ITCH: variants seen among roughly 807,000 people sequenced by gnomAD.
The protein encoded by ITCH is itchy E3 ubiquitin protein ligase, also known as E3 ubiquitin-protein ligase Itchy homolog.
In ITCH, 28 loss-of-function variants were observed where a neutral mutation model predicts 126.8. The ratio of observed to expected loss-of-function variants is 0.22; its 90% CI spans 0.16 to 0.30. The LOEUF (loss-of-function observed/expected upper bound fraction) is 0.30. ITCH is among the 10% of genes least tolerant of loss of function. The pLI, the probability that ITCH is intolerant of heterozygous loss-of-function variation, is 1.00. For synonymous variants in ITCH, 342 were observed against 340.0 expected, an observed-to-expected ratio of 1.01 and a Z score of -0.06; for missense variants, 631 against 1,032.4, an observed-to-expected ratio of 0.61 and a Z score of 5.33.
chr20:34,434,945 A>G (rs1211561342), intron 7 of ITCH, among the ~76,000 whole-genome samples: 4 of 152,154 alleles, frequency 2.6e-5, no homozygotes, highest in Non-Finnish European at 5.9e-5. Context: ...ACTGAAGCAC[A>G]ATTTTAATTT....
chr20:34,408,911 T>A, intron 4 of ITCH, 119 bp downstream of exon 4: 4 of 336,702 alleles, frequency 1.2e-5, no homozygotes, highest in Non-Finnish European at 1.9e-5. Flanking sequence ...TTCTCTCTTC[T>A]TTTTTTTTTT....
At chr20:34,440,722 G>A (rs1156395329) in intron 9 of ITCH, among the ~76,000 whole-genome samples, 2 of 151,924 alleles carry the variant, frequency 1.3e-5, no homozygotes. Flanking sequence ...GAAAGTGCTG[G>A]GATTACAGGC....
At chr20:34,406,933 CAGTAGA>C (rs2039080065) in intron 3 of ITCH, among the ~76,000 whole-genome samples, 1 of 152,144 alleles carries the variant, frequency 6.6e-6, no homozygotes, top group Non-Finnish European at 1.5e-5. Context: ...TTTGCTGCTA[CAGTAGA>C]TAACCTGGGT....
chr20:34,441,836 T>TGTGAAATTTATC (rs1470960799), intron 9 of ITCH: 3 of 265,554 alleles, frequency 1.1e-5, no homozygotes, highest in African/African-American at 6.7e-5. Context: ...TCCACCCGTC[T>TGTGAAATTTATC]CAGCCTCCCA....
chr20:34,406,524 AGCT>A (rs1460483456), intron 3 of ITCH, among the ~76,000 whole-genome samples: 2 of 150,002 alleles, frequency 1.3e-5, no homozygotes, highest in African/African-American at 4.9e-5. Context: ...CTATATATTA[AGCT>A]GCTGCTTCTT....
intron 2 of ITCH, among the ~76,000 whole-genome samples, chr20:34,371,476 G>A (rs567278355): frequency 6.6e-6 from 1 of 151,556 alleles, no homozygotes; most frequent in African/African-American, 2.4e-5. Context: ...TAGAGACGGG[G>A]TTTCACCACA....
intron 3 of ITCH, among the ~76,000 whole-genome samples, chr20:34,400,058 C>T (rs750689614): frequency 7.2e-5 from 11 of 151,968 alleles, no homozygotes; most frequent in Non-Finnish European, 1.2e-4. Flanking sequence ...TCTGCGTCAG[C>T]CTCCTGAGTA....
intron 10 of ITCH, among the ~76,000 whole-genome samples, chr20:34,443,336 C>T (rs190914680): frequency 6.6e-6 from 1 of 151,752 alleles, no homozygotes; most frequent in East Asian, 1.9e-4. Flanking sequence ...ATGTTGAAAC[C>T]CCGTCTCTAC....
intron 2 of ITCH, among the ~76,000 whole-genome samples, chr20:34,379,081 G>GT (rs978916879): frequency 6.6e-6 from 1 of 152,130 alleles, no homozygotes; most frequent in Non-Finnish European, 1.5e-5. Flanking sequence ...TGCTGCTGCT[G>GT]TTTTTCGTTA....
intron 3 of ITCH, chr20:34,402,481 A>G (rs1018179256): frequency 1.4e-5 from 11 of 765,070 alleles, no homozygotes; most frequent in East Asian, 1.2e-4. Context: ...AAAATAGACT[A>G]GAAATACATC....
chr20:34,470,083 TC>T lies in ITCH; in HGVS notation c.1461del (p.Phe487LeufsTer21). The stretch of plus-strand genomic sequence containing the variant: ...CCTCAGATAGCCTATGTTCGGGACT[TC>T]AAAGCAAAGGTTCAGTATTTCCGGT... ...NGPQIAYVRDFKAKVQYFRFW... is the reference protein window; with the variant it reads ...NGPQIAYVRDXKAKVQYFRFW... On this transcript the variant is annotated frameshift_variant, in exon 15 of 25. Coordinates refer to ENST00000374864, the MANE Select transcript of ITCH (RefSeq NM_031483.7). LOFTEE classifies it high-confidence loss of function. 6.2e-7 allele frequency: 1 copy of T among 1,614,052 alleles called. No individual in the cohort carries two copies. Among genetic ancestry groups the T allele is most frequent in the Non-Finnish European group, 8.5e-7 (1 of 1,179,946 alleles).
chr20:34,394,230 A>AG (rs2038592428), intron 3 of ITCH, among the ~76,000 whole-genome samples: 1 of 151,652 alleles, frequency 6.6e-6, no homozygotes, highest in African/African-American at 2.4e-5. Context: ...AAAAAAAAAA[A>AG]AACTTAAGAG....
At chr20:34,462,504 G>T (rs1345836378) in intron 14 of ITCH, among the ~76,000 whole-genome samples, 1 of 152,042 alleles carries the variant, frequency 6.6e-6, no homozygotes, top group Non-Finnish European at 1.5e-5. Flanking sequence ...CTGATTTTCA[G>T]CTTCTTTCAT....
chr20:34,467,572 C>T (rs1987188114), intron 14 of ITCH, among the ~76,000 whole-genome samples: 1 of 151,054 alleles, frequency 6.6e-6, no homozygotes, highest in South Asian at 2.1e-4. Context: ...AAATTCTGGC[C>T]TAGATGGTGT....
At chr20:34,482,202 A>C (rs1222195226) in intron 20 of ITCH, among the ~76,000 whole-genome samples, 10 of 152,160 alleles carry the variant, frequency 6.6e-5, no homozygotes, top group Admixed American at 6.5e-5. Context: ...GCCAAACCAT[A>C]TCATTCTGCC....
At chr20:34,449,023 C>T (rs1352293406) in intron 11 of ITCH, among the ~76,000 whole-genome samples, 1 of 152,090 alleles carries the variant, frequency 6.6e-6, no homozygotes, top group Non-Finnish European at 1.5e-5. Flanking sequence ...TTTTGAGTTA[C>T]ACATATAATA....
intron 13 of ITCH, 127 bp from the exon 14 acceptor site, chr20:34,461,966 C>G: frequency 1.1e-6 from 1 of 891,508 alleles, no homozygotes; most frequent in Admixed American, 2.1e-5. Flanking sequence ...TAGTATACAA[C>G]TGAATTACTG....
At chr20:34,370,783 G>A (rs2037594151) in intron 2 of ITCH, among the ~76,000 whole-genome samples, 1 of 151,990 alleles carries the variant, frequency 6.6e-6, no homozygotes, top group Admixed American at 6.6e-5. Flanking sequence ...AGGAGAGAAG[G>A]AAGACTACTG....
At chr20:34,398,613 G>T (rs1233144920) in intron 3 of ITCH, among the ~76,000 whole-genome samples, 3 of 152,060 alleles carry the variant, frequency 2.0e-5, no homozygotes, top group African/African-American at 7.2e-5. Context: ...TGGTCAGGCT[G>T]GTCTTGAACT....
Sources: gnomAD v4.1 joint callset for allele counts (sites outside exome capture counted in the v4.1 genomes callset) on GRCh38, gnomAD v4.1.1 for gene constraint, MANE v1.5 for transcripts, NCBI Gene and HGNC (gene_info 2026-07-23, HGNC 2026-07-21) for gene names.